The following RABL2B variants were observed in gnomAD, a reference collection of about 807,000 sequenced individuals.
The protein encoded by RABL2B is RAB, member of RAS oncogene family like 2B, also known as rab-like protein 2B.
RABL2B carries 17 observed loss-of-function variants against 26.7 expected under a neutral mutation model. The ratio of observed to expected loss-of-function variants is 0.64; its 90% CI spans 0.44 to 0.95. The LOEUF is 0.95. RABL2B is among the 40% of genes least tolerant of loss of function. The pLI, the probability that RABL2B is intolerant of heterozygous loss-of-function variation, is 0.00. For missense variants in RABL2B, 170 were observed against 277.2 expected (o/e 0.61, Z 2.75); for synonymous variants, 70 against 103.9 (o/e 0.67, Z 1.99).
intron 2 of RABL2B, among the ~76,000 whole-genome samples, chr22:50,781,006 G>A (rs1405471579): frequency 1.3e-5 from 2 of 152,052 alleles, no homozygotes; most frequent in Admixed American, 6.5e-5. Context: ...CACTTTTACT[G>A]TACAGGCGTG....
intron 5 of RABL2B, among the ~76,000 whole-genome samples, chr22:50,774,786 G>A (rs1284590849): frequency 6.6e-6 from 1 of 151,696 alleles, no homozygotes; most frequent in Non-Finnish European, 1.5e-5. Flanking sequence ...TGAAAATGTG[G>A]GTTTTTTTTA....
At chr22:50,780,373 A>T (rs187174427) in intron 2 of RABL2B, among the ~76,000 whole-genome samples, 3 of 151,598 alleles carry the variant, frequency 2.0e-5, no homozygotes, top group Admixed American at 1.3e-4. Flanking sequence ...GACGCCCTTC[A>T]GATATGATGA....
Position 50,768,797 on chromosome 22 carries a change from C to T in RABL2B, c.669G>A (p.Glu223=), listed in dbSNP as rs376799239. The change falls in exon 9 of 9, where the codon GAG becomes GAA. Residue 223 remains glutamate, a synonymous_variant. Coordinates refer to ENST00000691320, the MANE Select transcript of RABL2B (RefSeq NM_001130919.3). ...CCCCTCAGCTGTGGGGAGAGGCCGCCTCCTCTGATGGGGTCTCGATGCTGC... is the reference window on the plus strand; with the variant it reads ...CCCCTCAGCTGTGGGGAGAGGCCGCTTCCTCTGATGGGGTCTCGATGCTGC... ...QSSSIETPSE[E]AASPHS is the part of the protein sequence containing the mutation. The T allele has an allele frequency of 1.4e-5, 23 of 1,613,896 alleles. No homozygotes were observed. In the East Asian group the frequency reaches 2.0e-4, roughly 14 times the overall value.
At chr22:50,773,289 T>C (rs1304922853) in intron 5 of RABL2B, among the ~76,000 whole-genome samples, 3 of 152,180 alleles carry the variant, frequency 2.0e-5, no homozygotes, top group Non-Finnish European at 4.4e-5. Flanking sequence ...GAGTTAAAGC[T>C]TTTGGAATTT....
chr22:50,777,548 T>A, intron 3 of RABL2B: 2 of 283,266 alleles, frequency 7.1e-6, no homozygotes, highest in Non-Finnish European at 1.4e-5. Flanking sequence ...TGGCAGCTCC[T>A]ATTTTACAAA....
At chr22:50,769,657 G>A in intron 6 of RABL2B, 105 bp from the exon 7 acceptor site, 2 of 1,562,586 alleles carry the variant, frequency 1.3e-6, no homozygotes, top group Non-Finnish European at 1.7e-6. Flanking sequence ...GGATAGGCAG[G>A]GATGATTGGG....
At position 50,776,888 on chromosome 22, in the gene RABL2B, T is replaced by C. The variant is rs1190376934; in HGVS notation, c.138-139A>G. 4 of 1,462,986 alleles carry C rather than the reference T, an allele frequency of 2.7e-6. No homozygotes were observed. In the South Asian group the frequency reaches 4.0e-5, roughly 15 times the overall value. The allele number at this position is 1,462,986 out of a possible 1,614,324, so 90.6% of individuals were successfully genotyped here. ...ATTGAGATTTTAAATCAAATGAATG[T>C]TGCAGACAGAGGATCAGCTTCACAT... On this transcript the variant is annotated intron_variant, in intron 3 of 8. Coordinates refer to ENST00000691320, the MANE Select transcript of RABL2B (RefSeq NM_001130919.3).
At chr22:50,776,961 G>A (rs2085083957) in intron 3 of RABL2B, among the ~76,000 whole-genome samples, 1 of 152,192 alleles carries the variant, frequency 6.6e-6, no homozygotes, top group Non-Finnish European at 1.5e-5. Flanking sequence ...GAGGAGATGG[G>A]AGTGTGTCCT....
rs2146891758 is a variant in RABL2B at position 50,767,922 on chromosome 22, G to C, written c.*854C>G. ...AAACAGAATGGGTACACGAAAATCT[G>C]GAATGAATAGCTATCTGCTCAAAAA... On this transcript the variant is annotated 3_prime_UTR_variant, in exon 9 of 9. Transcript: ENST00000691320. The C allele has an allele frequency of 5.9e-6, 2 of 340,402 alleles. No individual in the cohort carries two copies. The highest frequency in any genetic ancestry group is 1.1e-5 in the Non-Finnish European group (2 of 175,282). The allele number at this position is 340,402 out of a possible 1,614,324, so 21.1% of individuals were successfully genotyped here.
In RABL2B at chr22:50,777,937, A is replaced by G. The variant is rs371609296; in HGVS notation, c.137+15T>C. 6.2e-7 allele frequency: 1 copy of G among 1,614,194 alleles called. No homozygotes were observed. On this transcript the variant is annotated intron_variant, in intron 3 of 8. Coordinates refer to ENST00000691320, the MANE Select transcript of RABL2B (RefSeq NM_001130919.3). ...ACCCACAGGAACAAGGGGTACTTCA[A>G]ACCTTGAAGGATACAAGCCATCCAT...
At chr22:50,772,613 C>A (rs1419923530) in intron 5 of RABL2B, 2 of 1,016,750 alleles carry the variant, frequency 2.0e-6, no homozygotes, top group African/African-American at 1.7e-5. Flanking sequence ...AGGGGCTCGC[C>A]CTGTGTGGTG....
At chr22:50,772,758 A>G in intron 5 of RABL2B, 1 of 1,085,496 alleles carries the variant, frequency 9.2e-7, no homozygotes, top group Non-Finnish European at 1.1e-6. Context: ...GGATGTCTGT[A>G]ACTAAACTTC....
chr22:50,773,538 C>A (rs1292399964), intron 5 of RABL2B, among the ~76,000 whole-genome samples: 1 of 151,786 alleles, frequency 6.6e-6, no homozygotes, highest in Non-Finnish European at 1.5e-5. Context: ...ATCAGTGGTG[C>A]AGGAGCACAC....
rs112869710 is a variant in RABL2B, at chr22:50,768,549, C to A, written c.*227G>T. 4.1e-3 allele frequency: 4,680 copies of A among 1,132,016 alleles called. 161 individuals are homozygous for A. The African/African-American group carries it at 0.063, about 15-fold the overall frequency. 70.1% of individuals were successfully genotyped at this position (1,132,016 alleles called of 1,614,324 possible). On this transcript the variant is annotated 3_prime_UTR_variant, in exon 9 of 9. Coordinates refer to ENST00000691320, the MANE Select transcript of RABL2B (RefSeq NM_001130919.3). ...AAGGTGTTAATGATGCTGATCCCTA[C>A]TTCTGCTTCAAGGAGATCTGGTGGG... is the stretch of plus-strand genomic sequence containing the variant.
rs2083664901 is a variant in RABL2B at position 50,768,292 on chromosome 22, A to G, written c.*484T>C. 1 of 217,462 alleles carries G rather than the reference A, an allele frequency of 4.6e-6. No homozygotes were observed. Among genetic ancestry groups the G allele is most frequent in the Admixed American group, 5.3e-5 (1 of 18,950 alleles). 13.5% of individuals were successfully genotyped at this position (217,462 alleles called of 1,614,324 possible). ...ATGACTGGGAGACTGAAGAGGAAAA[A>G]AGATGGGAGAAAACGTAGGGAAAGG... On this transcript the variant is annotated 3_prime_UTR_variant, in exon 9 of 9. Coordinates refer to ENST00000691320, the MANE Select transcript of RABL2B (RefSeq NM_001130919.3).
At chr22:50,770,335 G>C (rs2083953928) in intron 5 of RABL2B, 1 of 333,154 alleles carries the variant, frequency 3.0e-6, no homozygotes, top group Non-Finnish European at 5.8e-6. Flanking sequence ...GGCCAACATG[G>C]TGAAATTCCG....
chr22:50,769,214 C>A, intron 7 of RABL2B, 90 bp from the exon 8 acceptor site: 1 of 614,738 alleles, frequency 1.6e-6, no homozygotes, highest in South Asian at 2.0e-5. Context: ...CACAATACTC[C>A]ATTCCTAAAA....
intron 2 of RABL2B, among the ~76,000 whole-genome samples, chr22:50,780,214 A>C (rs1384095507): frequency 6.6e-6 from 1 of 150,920 alleles, no homozygotes; most frequent in African/African-American, 2.4e-5. Flanking sequence ...TGGAATCAAG[A>C]AGCATGAACA....
chr22:50,776,621 C>G, intron 4 of RABL2B, 49 bp downstream of exon 4: 1 of 1,565,598 alleles, frequency 6.4e-7, no homozygotes, highest in Non-Finnish European at 8.7e-7. Flanking sequence ...CCTCGTCTCC[C>G]ATTTCCTCTT....
Sources: allele counts gnomAD v4.1 joint callset (sites outside exome capture counted in the v4.1 genomes callset), GRCh38; gene constraint gnomAD v4.1.1; transcripts MANE v1.5; gene names NCBI Gene and HGNC (gene_info 2026-07-23, HGNC 2026-07-21).